Variants in CYP4X1 observed in about 807,000 individuals in gnomAD.
The protein encoded by CYP4X1 is cytochrome P450 family 4 subfamily X member 1.
A neutral mutation model predicts 57.9 loss-of-function variants in CYP4X1; 44 were observed. That is an observed-to-expected ratio of 0.76 (90% CI 0.60 to 0.98). CYP4X1 has a LOEUF of 0.98. Ranked by LOEUF, CYP4X1 falls within the 50% of genes least tolerant of loss-of-function variation. The pLI is 0.00. For missense variants in CYP4X1, 532 were observed against 623.9 expected, an observed-to-expected ratio of 0.85 and a Z score of 1.57; for synonymous variants, 227 against 228.6, an observed-to-expected ratio of 0.99 and a Z score of 0.06.
chr1:47,018,388 C>G, the CYP4X1 span, among the ~76,000 whole-genome samples: 1 of 152,198 alleles, frequency 6.6e-6, no homozygotes, highest in South Asian at 2.1e-4. Context: ...AGTGCTGAAA[C>G]AGTTGTTACA....
chr1:46,972,127 CAG>C, the CYP4X1 span, among the ~76,000 whole-genome samples: 1 of 152,046 alleles, frequency 6.6e-6, no homozygotes, highest in Non-Finnish European at 1.5e-5. Context: ...TGATGAAAAA[CAG>C]GGGTCCAGTT....
At chr1:46,990,415 G>A in the CYP4X1 span, among the ~76,000 whole-genome samples, 1 of 152,284 alleles carries the variant, frequency 6.6e-6, no homozygotes, top group Non-Finnish European at 1.5e-5. Flanking sequence ...TACTGGAGAC[G>A]ATGCAGAGAA....
chr1:47,039,912 A>T (rs544185288), intron 8 of CYP4X1, among the ~76,000 whole-genome samples: 1 of 152,118 alleles, frequency 6.6e-6, no homozygotes, highest in Non-Finnish European at 1.5e-5. Context: ...GATTAGCTGC[A>T]TTATTTAAGG....
At chr1:47,010,083 C>T in the CYP4X1 span, among the ~76,000 whole-genome samples, 1 of 151,734 alleles carries the variant, frequency 6.6e-6, no homozygotes, top group Non-Finnish European at 1.5e-5. Context: ...CATCCTGATA[C>T]CAAAGCCTGG....
chr1:46,995,543 T>C, the CYP4X1 span, among the ~76,000 whole-genome samples: 1 of 152,082 alleles, frequency 6.6e-6, no homozygotes, highest in East Asian at 1.9e-4. Flanking sequence ...CATGATTTAT[T>C]TTCTCTAAGA....
At chr1:46,965,188 G>A in the CYP4X1 span, among the ~76,000 whole-genome samples, 2 of 152,178 alleles carry the variant, frequency 1.3e-5, no homozygotes, top group Non-Finnish European at 2.9e-5. Flanking sequence ...TGCACTTCCC[G>A]GGTGAGGCGA....
chr1:46,968,436 T>C, the CYP4X1 span, among the ~76,000 whole-genome samples: 110 of 152,228 alleles, frequency 7.2e-4, 1 homozygote, highest in African/African-American at 2.5e-3. Context: ...CCATGGACTG[T>C]TGCCTCGCCC....
At chr1:47,022,316 G>T (rs1013526649), upstream of CYP4X1, among the ~76,000 whole-genome samples, 3 of 136,000 alleles carry the variant, frequency 2.2e-5, no homozygotes, top group African/African-American at 8.3e-5. Context: ...TTTTGAGACG[G>T]AGTCTCACTC....
the CYP4X1 span, among the ~76,000 whole-genome samples, chr1:46,977,590 G>A: frequency 6.6e-6 from 1 of 151,948 alleles, no homozygotes; most frequent in Non-Finnish European, 1.5e-5. Context: ...AACCTAGCAA[G>A]GTAGGCCAAC....
chr1:47,016,577 G>A, the CYP4X1 span, among the ~76,000 whole-genome samples: 54 of 152,184 alleles, frequency 3.5e-4, no homozygotes, highest in African/African-American at 1.2e-3. Context: ...TCCTGACCTC[G>A]TGATCCACCT....
chr1:47,010,740 A>T, the CYP4X1 span, among the ~76,000 whole-genome samples: 2 of 152,234 alleles, frequency 1.3e-5, no homozygotes. Flanking sequence ...AATGTGCAAA[A>T]ATCACAAGCA....
the CYP4X1 span, among the ~76,000 whole-genome samples, chr1:46,984,908 A>C: frequency 6.6e-6 from 1 of 152,226 alleles, no homozygotes; most frequent in Non-Finnish European, 1.5e-5. Context: ...CAAGTGGTCT[A>C]GGTCAGTGGA....
the CYP4X1 span, chr1:46,967,728 G>C: frequency 8.8e-7 from 1 of 1,139,624 alleles, no homozygotes; most frequent in Non-Finnish European, 1.2e-6. Flanking sequence ...GATGCAGGTG[G>C]ATTCCACTTT....
the CYP4X1 span, among the ~76,000 whole-genome samples, chr1:47,004,764 C>A: frequency 6.6e-6 from 1 of 152,210 alleles, no homozygotes; most frequent in Non-Finnish European, 1.5e-5. Flanking sequence ...GGACTCTTTT[C>A]TATCTTTTCC....
the CYP4X1 span, among the ~76,000 whole-genome samples, chr1:47,003,505 A>G: frequency 2.0e-5 from 3 of 152,202 alleles, no homozygotes; most frequent in Non-Finnish European, 4.4e-5. Flanking sequence ...TTTTTAAAAA[A>G]TATTTAATTG....
At chr1:46,970,199 T>C in the CYP4X1 span, among the ~76,000 whole-genome samples, 8 of 152,180 alleles carry the variant, frequency 5.3e-5, no homozygotes, top group Non-Finnish European at 1.2e-4. Context: ...TGAAGTTGAA[T>C]TTATTATGTA....
At chr1:47,053,710 T>C (rs1441222100), downstream of CYP4X1, among the ~76,000 whole-genome samples, 2 of 152,254 alleles carry the variant, frequency 1.3e-5, no homozygotes, top group Non-Finnish European at 2.9e-5. Flanking sequence ...GCTGCATAAA[T>C]GTCCTCTTTT....
At chr1:46,973,206 T>C in the CYP4X1 span, among the ~76,000 whole-genome samples, 1 of 152,048 alleles carries the variant, frequency 6.6e-6, no homozygotes, top group Non-Finnish European at 1.5e-5. Context: ...TTTAAAAATT[T>C]CTGTGTATGT....
intron 1 of CYP4X1, among the ~76,000 whole-genome samples, chr1:47,024,662 C>T (rs1644042949): frequency 6.6e-6 from 1 of 152,150 alleles, no homozygotes; most frequent in Non-Finnish European, 1.5e-5. Flanking sequence ...CCACCCAAGT[C>T]AGGTGCAGAC....
Sources: allele counts gnomAD v4.1 joint callset (sites outside exome capture counted in the v4.1 genomes callset), GRCh38; gene constraint gnomAD v4.1.1; transcripts MANE v1.5; gene names NCBI Gene and HGNC (gene_info 2026-07-23, HGNC 2026-07-21).